TMPRSS15: variants seen among roughly 807,000 people sequenced by gnomAD.
The protein encoded by TMPRSS15 is enteropeptidase.
In TMPRSS15, 128 loss-of-function variants were observed where a neutral mutation model predicts 125.3. That is an observed-to-expected ratio of 1.02 (90% CI 0.89 to 1.18). TMPRSS15 has a LOEUF of 1.18. Ranked by LOEUF, TMPRSS15 falls within the 50% of genes most tolerant of loss-of-function variation. The pLI, the probability that TMPRSS15 is intolerant of heterozygous loss-of-function variation, is 0.00. For synonymous variants in TMPRSS15, 446 were observed against 423.2 expected (o/e 1.05, Z -0.66); for missense variants, 1,283 against 1,212.7 (o/e 1.06, Z -0.86).
At chr21:18,385,784 G>T (rs1326896826) in intron 3 of TMPRSS15, among the ~76,000 whole-genome samples, 3 of 151,922 alleles carry the variant, frequency 2.0e-5, no homozygotes, top group African/African-American at 4.8e-5. Context: ...TCTCTCTGGG[G>T]CCAGGCTGGA....
At chr21:18,452,057 T>G (rs1569071768) in intron 1 of TMPRSS15, among the ~76,000 whole-genome samples, 1 of 152,192 alleles carries the variant, frequency 6.6e-6, no homozygotes, top group African/African-American at 2.4e-5. Flanking sequence ...TACATCCGAA[T>G]TTTTTGGAAA....
At chr21:18,392,990 T>A (rs2076003436) in intron 3 of TMPRSS15, among the ~76,000 whole-genome samples, 2 of 151,936 alleles carry the variant, frequency 1.3e-5, no homozygotes. Context: ...TGAGATGAGA[T>A]TTGAGTGGGG....
At chr21:18,484,513 T>C (rs564847847) in intron 1 of TMPRSS15, among the ~76,000 whole-genome samples, 52 of 151,884 alleles carry the variant, frequency 3.4e-4, no homozygotes, top group African/African-American at 1.2e-3. Context: ...GATCTTTTCC[T>C]TCTCTCTAAA....
intron 21 of TMPRSS15, among the ~76,000 whole-genome samples, chr21:18,287,631 C>T (rs2074781220): frequency 1.3e-5 from 2 of 152,136 alleles, no homozygotes; most frequent in South Asian, 2.1e-4. Flanking sequence ...GCCAAAGAGA[C>T]ATATGTTATT....
At chr21:18,428,027 A>C (rs1456435902) in intron 1 of TMPRSS15, among the ~76,000 whole-genome samples, 1 of 152,250 alleles carries the variant, frequency 6.6e-6, no homozygotes, top group Non-Finnish European at 1.5e-5. Flanking sequence ...ATTGACCGAC[A>C]GAAGTCTTTT....
Position 18,269,324 on chromosome 21 carries a change from A to C in TMPRSS15, c.*645T>G, listed in dbSNP as rs774582716. The C allele has an allele frequency of 2.0e-5, 3 of 152,246 alleles. No individual in the cohort carries two copies. The highest frequency in any genetic ancestry group is 2.1e-4 in the South Asian group (1 of 4,834). 9.4% of individuals were successfully genotyped at this position (152,246 alleles called of 1,614,324 possible). On this transcript the variant is annotated 3_prime_UTR_variant, in exon 25 of 25. Coordinates refer to ENST00000284885, the MANE Select transcript of TMPRSS15 (RefSeq NM_002772.3). ...AATAAATAGGTAAAATTTATCTAAT[A>C]TACAATGACTATATCAGTTAATTTA...
intron 1 of TMPRSS15, among the ~76,000 whole-genome samples, chr21:18,457,066 C>T (rs1978455622): frequency 6.6e-6 from 1 of 152,022 alleles, no homozygotes; most frequent in Non-Finnish European, 1.5e-5. Context: ...TACTATGTGA[C>T]CTTCAGTAAA....
intron 14 of TMPRSS15, 39 bp from the exon 15 acceptor site, chr21:18,329,333 T>C: frequency 6.3e-7 from 1 of 1,591,658 alleles, no homozygotes; most frequent in Non-Finnish European, 8.6e-7. Flanking sequence ...GGAACACACT[T>C]GGTGATTTCT....
intron 18 of TMPRSS15, among the ~76,000 whole-genome samples, chr21:18,305,088 C>A (rs1464735082): frequency 1.3e-5 from 2 of 151,800 alleles, no homozygotes; most frequent in East Asian, 3.9e-4. Flanking sequence ...CCTGAATTAC[C>A]TGAAGGACTT....
intron 22 of TMPRSS15, among the ~76,000 whole-genome samples, chr21:18,279,357 A>G (rs2074663608): frequency 9.0e-6 from 1 of 111,280 alleles, no homozygotes; most frequent in South Asian, 2.9e-4. Flanking sequence ...ACGGAGTCTC[A>G]CTCGGTCGCC....
intron 3 of TMPRSS15, among the ~76,000 whole-genome samples, chr21:18,389,007 T>C (rs2123082445): frequency 6.6e-6 from 1 of 151,450 alleles, no homozygotes; most frequent in African/African-American, 2.4e-5. Flanking sequence ...GGGCAGCTCC[T>C]GGGATTAAGA....
intron 1 of TMPRSS15, among the ~76,000 whole-genome samples, chr21:18,421,986 T>C (rs2076193044): frequency 7.1e-6 from 1 of 140,838 alleles, no homozygotes; most frequent in Non-Finnish European, 1.6e-5. Flanking sequence ...GTATTACTCT[T>C]TTTTTTTTTT....
chr21:18,360,013 G>T, intron 7 of TMPRSS15, 150 bp from the exon 8 acceptor site: 1 of 523,562 alleles, frequency 1.9e-6, no homozygotes, highest in Non-Finnish European at 3.5e-6. Flanking sequence ...GTGCAGTATT[G>T]CCGGTTATGA....
chr21:18,293,039 A>G (rs2074857674), intron 21 of TMPRSS15, among the ~76,000 whole-genome samples: 1 of 152,142 alleles, frequency 6.6e-6, no homozygotes, highest in Admixed American at 6.5e-5. Flanking sequence ...GAGACCAGCT[A>G]TTTGGCAAAC....
At chr21:18,365,019 G>T in intron 7 of TMPRSS15, 121 bp downstream of exon 7, 1 of 795,952 alleles carries the variant, frequency 1.3e-6, no homozygotes. Flanking sequence ...TCAGTTGGGA[G>T]GTTTTTGCTT....
At chr21:18,277,023 C>T (rs1406050640) in intron 23 of TMPRSS15, among the ~76,000 whole-genome samples, 1 of 152,036 alleles carries the variant, frequency 6.6e-6, no homozygotes, top group Admixed American at 6.5e-5. Flanking sequence ...GGCTCAGCCT[C>T]CCAAAGTGTT....
chr21:18,309,099 T>C (rs896592539), intron 18 of TMPRSS15, among the ~76,000 whole-genome samples: 3 of 152,142 alleles, frequency 2.0e-5, no homozygotes, highest in African/African-American at 7.2e-5. Flanking sequence ...ATCCTTTGGG[T>C]ATATACCCAG....
At chr21:18,318,953 T>C (rs943395259) in intron 16 of TMPRSS15, among the ~76,000 whole-genome samples, 1 of 152,196 alleles carries the variant, frequency 6.6e-6, no homozygotes, top group Non-Finnish European at 1.5e-5. Context: ...TGTTAAAAGA[T>C]TGATATGCCT....
intron 22 of TMPRSS15, among the ~76,000 whole-genome samples, chr21:18,280,586 A>AAAAAAAAAAAAAAC (rs2074683596): frequency 6.7e-6 from 1 of 148,976 alleles, no homozygotes. Context: ...AAAAAAAAAA[A>AAAAAAAAAAAAAAC]AAAAAAAAAC....
Sources: gnomAD v4.1 joint callset for allele counts (sites outside exome capture counted in the v4.1 genomes callset) on GRCh38, gnomAD v4.1.1 for gene constraint, MANE v1.5 for transcripts, NCBI Gene and HGNC (gene_info 2026-07-23, HGNC 2026-07-21) for gene names.